Variants in EPHA6 observed in about 807,000 individuals in gnomAD.
EPHA6 encodes EPH receptor A6, also known as ephrin type-A receptor 6.
In EPHA6, 50 loss-of-function variants were observed where a neutral mutation model predicts 112.0. The observed-to-expected ratio is 0.45, with a 90% confidence interval of 0.36 to 0.56. EPHA6 has a LOEUF of 0.56. EPHA6 is among the 20% of genes least tolerant of loss of function. The probability of loss-of-function intolerance (pLI) is 0.00; values close to 1 mark genes in which losing one functional copy is unlikely to be tolerated. For synonymous variants in EPHA6, 529 were observed against 490.7 expected, an observed-to-expected ratio of 1.08 and a Z score of -1.03; for missense variants, 1,280 against 1,417.4, an observed-to-expected ratio of 0.90 and a Z score of 1.56.
At chr3:97,230,254 A>G (rs974180260) in intron 4 of EPHA6, among the ~76,000 whole-genome samples, 5 of 152,164 alleles carry the variant, frequency 3.3e-5, no homozygotes, top group African/African-American at 1.2e-4. Context: ...GTAAAGTAGT[A>G]TAGTCAATAA....
chr3:97,604,964 A>G (rs1336887531), intron 12 of EPHA6, among the ~76,000 whole-genome samples: 1 of 151,560 alleles, frequency 6.6e-6, no homozygotes, highest in East Asian at 1.9e-4. Flanking sequence ...CTCTGTGCTT[A>G]GATAGTGACC....
chr3:97,737,397 G>T (rs1027148925), intron 16 of EPHA6, among the ~76,000 whole-genome samples: 1 of 151,984 alleles, frequency 6.6e-6, no homozygotes. Context: ...TCTGAAATGG[G>T]AATGAGGTTG....
At position 97,740,105 on chromosome 3, in the gene EPHA6, T is replaced by G. The variant is rs1189294849; in HGVS notation, c.3128+3987T>G. On this transcript the variant is annotated intron_variant, in intron 16 of 17. Coordinates refer to ENST00000389672, the MANE Select transcript of EPHA6 (RefSeq NM_001080448.3). ...CCCAACCCCAAGTATTTTCCCACTTTGTAGCTTGATAGCTACATGGTGACC... is the reference window on the plus strand; with the variant it reads ...CCCAACCCCAAGTATTTTCCCACTTGGTAGCTTGATAGCTACATGGTGACC... Among the ~76,000 whole-genome samples, 4 of 152,054 alleles carry G rather than the reference T, an allele frequency of 2.6e-5. No individual in the cohort carries two copies. The East Asian group carries it at 7.8e-4, about 30-fold the overall frequency.
intron 5 of EPHA6, among the ~76,000 whole-genome samples, chr3:97,377,805 C>T (rs2085458439): frequency 1.3e-5 from 2 of 152,124 alleles, no homozygotes; most frequent in South Asian, 4.1e-4. Context: ...GGGTATCTGG[C>T]AGAAGAAATT....
chr3:96,877,685 G>A (rs1412937565), intron 2 of EPHA6, among the ~76,000 whole-genome samples: 3 of 147,466 alleles, frequency 2.0e-5, no homozygotes, highest in Non-Finnish European at 3.0e-5. Context: ...CATGCCATTA[G>A]TATTTTGAAT....
chr3:96,860,779 A>G (rs2035963792), intron 1 of EPHA6, among the ~76,000 whole-genome samples: 1 of 152,086 alleles, frequency 6.6e-6, no homozygotes, highest in South Asian at 2.1e-4. Flanking sequence ...CTACCTATTT[A>G]ATCCCTGAGT....
At chr3:97,686,143 C>T (rs2032232941) in intron 14 of EPHA6, among the ~76,000 whole-genome samples, 1 of 152,052 alleles carries the variant, frequency 6.6e-6, no homozygotes, top group African/African-American at 2.4e-5. Flanking sequence ...ATGAATATAA[C>T]TATTCATTTG....
intron 11 of EPHA6, among the ~76,000 whole-genome samples, chr3:97,541,760 G>A (rs1480363222): frequency 8.3e-6 from 1 of 119,988 alleles, no homozygotes; most frequent in Admixed American, 8.6e-5. Context: ...TTTTAAAGAA[G>A]TTTGTTGTTG....
In EPHA6 at chr3:97,508,357, A is replaced by C. The variant is rs553401592; in HGVS notation, c.2201-24001A>C. 5.3e-5 allele frequency among the ~76,000 whole-genome samples: 8 copies of C among 152,148 alleles called. No homozygotes were observed. In the South Asian group the frequency reaches 1.7e-3, roughly 32 times the overall value. On this transcript the variant is annotated intron_variant, in intron 10 of 17. Transcript: ENST00000389672. Reference sequence around the variant, plus strand: ...AGCTGTGTACTAGAGATTCTGGTACATTGTGTCTTTGTTCTAATTTGTTTC... The same window carrying C: ...AGCTGTGTACTAGAGATTCTGGTACCTTGTGTCTTTGTTCTAATTTGTTTC...
chr3:97,310,370 C>G (rs1195617995), intron 5 of EPHA6, among the ~76,000 whole-genome samples: 1 of 151,454 alleles, frequency 6.6e-6, no homozygotes, highest in Non-Finnish European at 1.5e-5. Context: ...CTGAGAACCA[C>G]TAAAATATTT....
intron 6 of EPHA6, among the ~76,000 whole-genome samples, chr3:97,429,174 C>A (rs1164963914): frequency 6.6e-6 from 1 of 152,100 alleles, no homozygotes; most frequent in Non-Finnish European, 1.5e-5. Context: ...TTAAGCCAAA[C>A]CTTTCCTGAG....
intron 2 of EPHA6, among the ~76,000 whole-genome samples, chr3:96,957,047 A>C (rs1010132050): frequency 2.0e-5 from 3 of 152,068 alleles, no homozygotes; most frequent in Non-Finnish European, 2.9e-5. Context: ...AAAAAAAAAA[A>C]AATCTGAACC....
rs547816353 is a variant in EPHA6, at chr3:97,716,006, A to G, written c.2785-4255A>G. On this transcript the variant is annotated intron_variant, in intron 14 of 17. Coordinates refer to ENST00000389672, the MANE Select transcript of EPHA6 (RefSeq NM_001080448.3). ...ATGAGAAGCCATTTGAGTTACATTC[A>G]GTCACTTTGATTAGCATCTTTGGTA... Among the ~76,000 whole-genome samples the G allele has an allele frequency of 2.0e-5, 3 of 152,374 alleles. No individual in the cohort carries two copies. The South Asian group carries it at 6.2e-4, about 32-fold the overall frequency.
At chr3:97,323,462 G>A (rs1026708179) in intron 5 of EPHA6, among the ~76,000 whole-genome samples, 4 of 151,888 alleles carry the variant, frequency 2.6e-5, no homozygotes, top group African/African-American at 4.8e-5. Context: ...TAGGGGGGAT[G>A]GGTGGATACC....
At chr3:97,170,754 GAA>G (rs10714526) in intron 3 of EPHA6, among the ~76,000 whole-genome samples, 1 of 150,394 alleles carries the variant, frequency 6.6e-6, no homozygotes, top group Non-Finnish European at 1.5e-5. Context: ...AAAAAGAAAA[GAA>G]AAAAAAAGAA....
chr3:97,240,274 T>C (rs1213707866), intron 4 of EPHA6, among the ~76,000 whole-genome samples: 1 of 151,898 alleles, frequency 6.6e-6, no homozygotes, highest in Admixed American at 6.6e-5. Flanking sequence ...TCCTTTAATC[T>C]TGTCTTTAAC....
At chr3:96,964,570 G>T (rs1219328153) in intron 2 of EPHA6, among the ~76,000 whole-genome samples, 1 of 152,078 alleles carries the variant, frequency 6.6e-6, no homozygotes, top group Non-Finnish European at 1.5e-5. Context: ...TATACGATCT[G>T]TGTTTGTTGC....
At chr3:97,310,348 C>T (rs1417689552) in intron 5 of EPHA6, among the ~76,000 whole-genome samples, 1 of 151,342 alleles carries the variant, frequency 6.6e-6, no homozygotes, top group Non-Finnish European at 1.5e-5. Flanking sequence ...AAAAGGCAGC[C>T]TCTACGGACC....
At chr3:97,634,986 T>C (rs2093933557) in intron 13 of EPHA6, among the ~76,000 whole-genome samples, 1 of 151,638 alleles carries the variant, frequency 6.6e-6, no homozygotes, top group African/African-American at 2.4e-5. Context: ...CAGAGAAGAA[T>C]ATGAGAATAC....
Sources: allele counts gnomAD v4.1 joint callset (sites outside exome capture counted in the v4.1 genomes callset), GRCh38; gene constraint gnomAD v4.1.1; transcripts MANE v1.5; gene names NCBI Gene and HGNC (gene_info 2026-07-23, HGNC 2026-07-21).